Variants in CCDC170 observed in about 807,000 individuals in gnomAD.
CCDC170 encodes the protein coiled-coil domain-containing protein 170.
A neutral mutation model predicts 72.6 loss-of-function variants in CCDC170; 69 were observed. That is an observed-to-expected ratio of 0.95 (90% CI 0.78 to 1.16). The LOEUF (loss-of-function observed/expected upper bound fraction) is 1.16, where lower values mean the gene tolerates loss of function less well. Ranked by LOEUF, CCDC170 falls within the 50% of genes most tolerant of loss-of-function variation. The pLI is 0.00. For missense variants in CCDC170, 852 were observed against 832.5 expected (o/e 1.02, Z -0.29); for synonymous variants, 300 against 303.9 (o/e 0.99, Z 0.13).
At chr6:151,547,410 G>A (rs1050204386) in intron 4 of CCDC170, among the ~76,000 whole-genome samples, 1 of 152,190 alleles carries the variant, frequency 6.6e-6, no homozygotes, top group African/African-American at 2.4e-5. Context: ...CAGGGATAGA[G>A]AGGGAAGCAA....
intron 5 of CCDC170, among the ~76,000 whole-genome samples, chr6:151,567,314 A>G (rs559279531): frequency 5.2e-4 from 79 of 152,360 alleles, no homozygotes; most frequent in Non-Finnish European, 8.5e-4. Flanking sequence ...AAGCAATTTC[A>G]ACAAGCTCAA....
At chr6:151,520,578 A>C (rs1343825899) in intron 1 of CCDC170, among the ~76,000 whole-genome samples, 1 of 152,230 alleles carries the variant, frequency 6.6e-6, no homozygotes, top group Non-Finnish European at 1.5e-5. Flanking sequence ...TGTAGTACTA[A>C]GACATTAGCC....
intron 1 of CCDC170, among the ~76,000 whole-genome samples, chr6:151,510,830 G>C (rs1782136328): frequency 6.6e-6 from 1 of 151,984 alleles, no homozygotes; most frequent in Non-Finnish European, 1.5e-5. Context: ...CCACCTCCTG[G>C]GTTTAAGCAA....
chr6:151,552,251 G>A (rs1165876699), intron 5 of CCDC170, among the ~76,000 whole-genome samples: 2 of 152,154 alleles, frequency 1.3e-5, no homozygotes, highest in African/African-American at 4.8e-5. Flanking sequence ...GGCAAATAAT[G>A]TTAGAGTGTT....
intron 1 of CCDC170, among the ~76,000 whole-genome samples, chr6:151,535,791 G>C (rs1277388673): frequency 6.6e-6 from 1 of 151,968 alleles, no homozygotes; most frequent in Non-Finnish European, 1.5e-5. Flanking sequence ...TATTGGCTGG[G>C]CTGGGGTGCA....
intron 6 of CCDC170, among the ~76,000 whole-genome samples, chr6:151,583,999 A>G (rs914160486): frequency 1.4e-4 from 22 of 152,216 alleles, no homozygotes; most frequent in African/African-American, 5.1e-4. Flanking sequence ...ACAGATCACC[A>G]TAACAGATAT....
intron 1 of CCDC170, among the ~76,000 whole-genome samples, chr6:151,517,398 G>A (rs1238113084): frequency 6.6e-6 from 1 of 151,384 alleles, no homozygotes; most frequent in Non-Finnish European, 1.5e-5. Flanking sequence ...ACCTTACTGA[G>A]GACTCCCATA....
At chr6:151,557,877 T>C (rs945425505) in intron 5 of CCDC170, among the ~76,000 whole-genome samples, 2 of 152,130 alleles carry the variant, frequency 1.3e-5, no homozygotes, top group African/African-American at 4.8e-5. Flanking sequence ...GGTGAGTGGA[T>C]CACCTGAGGT....
intron 1 of CCDC170, among the ~76,000 whole-genome samples, chr6:151,497,021 A>G (rs1781921070): frequency 6.6e-6 from 1 of 152,260 alleles, no homozygotes; most frequent in Non-Finnish European, 1.5e-5. Flanking sequence ...CAATGCTTCC[A>G]TCAGTACTTC....
At chr6:151,575,472 A>G (rs796570934) in intron 6 of CCDC170, among the ~76,000 whole-genome samples, 14 of 148,216 alleles carry the variant, frequency 9.4e-5, no homozygotes, top group African/African-American at 3.5e-4. Flanking sequence ...CGCATACTCT[A>G]GGAGCAACCT....
chr6:151,602,012 T>A (rs1432295553), intron 9 of CCDC170, among the ~76,000 whole-genome samples: 1 of 152,248 alleles, frequency 6.6e-6, no homozygotes, highest in African/African-American at 2.4e-5. Context: ...TTTCCACTTT[T>A]GGCTATTCTG....
At chr6:151,542,506 G>A (rs1420240772) in intron 3 of CCDC170, among the ~76,000 whole-genome samples, 2 of 152,226 alleles carry the variant, frequency 1.3e-5, no homozygotes, top group African/African-American at 2.4e-5. Context: ...ACAGGCGTGA[G>A]CCACTGTGCC....
intron 6 of CCDC170, among the ~76,000 whole-genome samples, chr6:151,576,604 A>G (rs2115093921): frequency 6.6e-6 from 1 of 152,154 alleles, no homozygotes; most frequent in South Asian, 2.1e-4. Context: ...AATGATTCAG[A>G]GTCTTTTTAG....
chr6:151,534,660 T>C (rs539101588), intron 1 of CCDC170, among the ~76,000 whole-genome samples: 1 of 152,324 alleles, frequency 6.6e-6, no homozygotes, highest in East Asian at 1.9e-4. Context: ...TACCATTTTC[T>C]TGGTTGTGCT....
At chr6:151,525,006 C>T (rs1208353056) in intron 1 of CCDC170, among the ~76,000 whole-genome samples, 12 of 143,514 alleles carry the variant, frequency 8.4e-5, no homozygotes, top group Non-Finnish European at 7.5e-5. Context: ...AATCTCGGCT[C>T]ACTGCAAACT....
intron 7 of CCDC170, among the ~76,000 whole-genome samples, chr6:151,589,961 G>C (rs1776509552): frequency 6.6e-6 from 1 of 152,074 alleles, no homozygotes; most frequent in Non-Finnish European, 1.5e-5. Flanking sequence ...CATCCATGCA[G>C]ATTTGTAGCA....
rs1344430846 is a variant in CCDC170, at chr6:151,618,194, T to A, written c.*47T>A. 4 of 1,493,086 alleles carry A rather than the reference T, an allele frequency of 2.7e-6. No homozygotes were observed. The Admixed American group carries it at 7.1e-5, about 26-fold the overall frequency. 92.5% of individuals were successfully genotyped at this position (1,493,086 alleles called of 1,614,324 possible). A position where few individuals can be genotyped will look rare whatever the true frequency, so the allele number is the denominator to read the frequency against. ...GTGGCCATAAGACATGGCACACAAT[T>A]CCCAATTTCACAAATTCCTCATGTC... On this transcript the variant is annotated 3_prime_UTR_variant, in exon 11 of 11. Transcript: ENST00000239374.
chr6:151,573,289 T>C lies in CCDC170; in HGVS notation c.890T>C (p.Leu297Pro), dbSNP rs1332851409. 2.5e-6 allele frequency: 4 copies of C among 1,614,180 alleles called. No homozygotes were observed. The highest frequency in any genetic ancestry group is 3.4e-6 in the Non-Finnish European group (4 of 1,180,026). ...VWDASKQEVS[L>P]LKKSSSELEK... is the part of the protein sequence containing the mutation. ...GATGCCTCAAAGCAGGAAGTGAGCCTCCTGAAGAAAAGCTCTTCTGAGTTG... is the reference window on the plus strand; with the variant it reads ...GATGCCTCAAAGCAGGAAGTGAGCCCCCTGAAGAAAAGCTCTTCTGAGTTG... The change falls in exon 6 of 11, where the codon CTC becomes CCC. Residue 297 changes from leucine to proline, a missense_variant. Coordinates refer to ENST00000239374, the MANE Select transcript of CCDC170 (RefSeq NM_025059.4).
In CCDC170 at chr6:151,596,415, G is replaced by C. The variant is rs751644202; in HGVS notation, c.1548G>C (p.Glu516Asp). Residue 516 changes from glutamate to aspartate, a missense_variant, in exon 9 of 11, where the codon GAG becomes GAC. Glu to Asp is a conservative substitution (Grantham distance 45). Transcript: ENST00000239374. The stretch of plus-strand genomic sequence containing the variant: ...GGCAGAAAATAGCCCAGCTGGAGGA[G>C]GAGAAGCAGGCACGCACGGCCTTGG... ...LLRQKIAQLE[E>D]EKQARTALVV... The C allele has an allele frequency of 3.7e-6, 6 of 1,614,056 alleles. No homozygotes were observed. The East Asian group carries it at 1.3e-4, about 36-fold the overall frequency.
Sources: gnomAD v4.1 joint callset for allele counts (sites outside exome capture counted in the v4.1 genomes callset) on GRCh38, gnomAD v4.1.1 for gene constraint, MANE v1.5 for transcripts, NCBI Gene and HGNC (gene_info 2026-07-23, HGNC 2026-07-21) for gene names.